Variants in EXTL3 observed in about 807,000 individuals in gnomAD.
The protein encoded by EXTL3 is exostosin like glycosyltransferase 3.
EXTL3 carries 27 observed loss-of-function variants against 69.3 expected under a neutral mutation model. The ratio of observed to expected loss-of-function variants is 0.39; its 90% CI spans 0.29 to 0.54. The LOEUF (loss-of-function observed/expected upper bound fraction) is 0.54. Among genes scored for constraint, EXTL3 ranks in the 20% least tolerant of loss-of-function variants. The pLI is 0.69. For missense variants in EXTL3, 1,003 were observed against 1,231.8 expected (o/e 0.81, Z 2.78); for synonymous variants, 511 against 499.4 (o/e 1.02, Z -0.31).
At chr8:28,671,601 A>G (rs528990134) in intron 1 of EXTL3, among the ~76,000 whole-genome samples, 7 of 152,220 alleles carry the variant, frequency 4.6e-5, no homozygotes, top group African/African-American at 1.7e-4. Flanking sequence ...CGCCTCCCAA[A>G]GTGCTGGGAT....
intron 1 of EXTL3, among the ~76,000 whole-genome samples, chr8:28,663,439 A>G (rs1310950565): frequency 6.6e-6 from 1 of 151,830 alleles, no homozygotes; most frequent in African/African-American, 2.4e-5. Context: ...TTATACCTCC[A>G]TTTGAAGACC....
chr8:28,755,760 A>C (rs1023561297), downstream of EXTL3, among the ~76,000 whole-genome samples: 1 of 152,184 alleles, frequency 6.6e-6, no homozygotes, highest in South Asian at 2.1e-4. Flanking sequence ...AAAATAAAAA[A>C]AAAGTACAGC....
chr8:28,675,274 A>G (rs541498938), intron 1 of EXTL3, among the ~76,000 whole-genome samples: 2 of 152,184 alleles, frequency 1.3e-5, no homozygotes, highest in African/African-American at 4.8e-5. Flanking sequence ...TCCAAAATGT[A>G]TAAATAACTA....
intron 1 of EXTL3, chr8:28,710,210 CT>C: frequency 1.1e-5 from 3 of 267,552 alleles, no homozygotes; most frequent in South Asian, 1.0e-4. Context: ...GTCTGTGTTG[CT>C]GACCACTGGA....
chr8:28,675,416 C>T lies in EXTL3; in HGVS notation c.-52-38041C>T, dbSNP rs149150213. On this transcript the variant is annotated intron_variant, in intron 1 of 6. Coordinates refer to the EXTL3 transcript ENST00000523149. Reference sequence around the variant, plus strand: ...TCTGTGGTCAGTATAGTCCAATTACCGTTAAGCTCCCTCTTTAAGATTCAT... The same window carrying T: ...TCTGTGGTCAGTATAGTCCAATTACTGTTAAGCTCCCTCTTTAAGATTCAT... Among the ~76,000 whole-genome samples the T allele has an allele frequency of 3.4e-3, 515 of 152,284 alleles. 5 individuals carry two copies. The highest frequency in any genetic ancestry group is 0.011 in the African/African-American group (460 of 41,552).
chr8:28,725,869 T>G (rs1233881845), intron 3 of EXTL3, among the ~76,000 whole-genome samples: 1 of 152,122 alleles, frequency 6.6e-6, no homozygotes, highest in East Asian at 1.9e-4. Context: ...ACAGTCCCTC[T>G]GGTTGACTTG....
intron 1 of EXTL3, among the ~76,000 whole-genome samples, chr8:28,660,505 TATACAC>T (rs1807090789): frequency 6.6e-6 from 1 of 152,170 alleles, no homozygotes. Context: ...GACATATATA[TATACAC>T]ATACACACAC....
Position 28,750,855 on chromosome 8 carries a change from A to G in EXTL3, c.2749A>G (p.Lys917Glu). 1 of 1,613,998 alleles carries G rather than the reference A, an allele frequency of 6.2e-7. No homozygotes were observed. The highest frequency in any genetic ancestry group is 8.5e-7 in the Non-Finnish European group (1 of 1,179,956). The change falls in exon 7 of 7, where the codon AAG becomes GAG. Residue 917 changes from lysine (K) to glutamate (E), a missense_variant. This residue lies in a region of EXTL3 where 261 missense variants were observed against 416.4 expected (regional missense o/e 0.63). Coordinates refer to ENST00000220562, the MANE Select transcript of EXTL3 (RefSeq NM_001440.4). This position sits in a 1 kb window ranked among gnomAD's most constrained non-coding sequence, Gnocchi z 5.2. Reference sequence around the variant, plus strand: ...GCCCCATGACAAGACCAAGTGCTTCAAGTTCATCTAGGGGCAGCGCACGGT... The same window carrying G: ...GCCCCATGACAAGACCAAGTGCTTCGAGTTCATCTAGGGGCAGCGCACGGT... ...RLPHDKTKCF[K>E]FI
rs1465779595 is a variant in EXTL3 at position 28,659,652 on chromosome 8, C to T, written c.-53+36842C>T. 2.6e-5 allele frequency among the ~76,000 whole-genome samples: 4 copies of T among 152,314 alleles called. No homozygotes were observed. The East Asian group carries it at 7.7e-4, about 29-fold the overall frequency. On this transcript the variant is annotated intron_variant, in intron 1 of 6. Transcript: ENST00000523149. ...AGATGCAACCCCAGGGTCGCCCCAA[C>T]ATCAGCAAGTCTAATTGCTGCCGGT...
intron 1 of EXTL3, among the ~76,000 whole-genome samples, chr8:28,670,171 T>C (rs1275578412): frequency 2.2e-5 from 3 of 133,646 alleles, no homozygotes; most frequent in African/African-American, 9.2e-5. Flanking sequence ...ATTGCACCAC[T>C]GCACTCCAGC....
chr8:28,708,111 G>T (rs1800959435), intron 1 of EXTL3, among the ~76,000 whole-genome samples: 1 of 152,214 alleles, frequency 6.6e-6, no homozygotes, highest in African/African-American at 2.4e-5. Flanking sequence ...TAAGCCCAAA[G>T]AATAAATTGT....
In EXTL3 at chr8:28,662,627, A is replaced by G. The variant is rs562038986; in HGVS notation, c.-53+39817A>G. Among the ~76,000 whole-genome samples the G allele has an allele frequency of 1.6e-4, 24 of 152,312 alleles. No homozygotes were observed. In the East Asian group the frequency reaches 4.2e-3, roughly 27 times the overall value. ...GCAGAGGAAACCTGTTTGTATAAAA[A>G]GTAGAGCCAGGCTTGGTGGTTCACG... On this transcript the variant is annotated intron_variant, in intron 1 of 6. Coordinates refer to the EXTL3 transcript ENST00000523149.
chr8:28,730,876 A>G (rs1453315566), intron 3 of EXTL3, among the ~76,000 whole-genome samples: 1 of 152,222 alleles, frequency 6.6e-6, no homozygotes, highest in East Asian at 1.9e-4. Flanking sequence ...TTCCATAGCC[A>G]TTGGAATCTC....
Position 28,731,451 on chromosome 8 carries a change from C to T in EXTL3, c.2276+101C>T. 3.1e-6 allele frequency: 4 copies of T among 1,272,064 alleles called. No homozygotes were observed. The South Asian group carries it at 4.9e-5, about 16-fold the overall frequency. 78.8% of individuals were successfully genotyped at this position (1,272,064 alleles called of 1,614,324 possible). A position where few individuals can be genotyped will look rare whatever the true frequency, so the allele number is the denominator to read the frequency against. On this transcript the variant is annotated intron_variant, in intron 4 of 6. Coordinates refer to ENST00000220562, the MANE Select transcript of EXTL3 (RefSeq NM_001440.4). ...TTTGGCTGATGGTAACTGAGAACCC[C>T]TTGCAGATAGTCAGGGCTGATGTAG...
At chr8:28,691,608 T>C (rs1800615156) in intron 1 of EXTL3, among the ~76,000 whole-genome samples, 1 of 144,536 alleles carries the variant, frequency 6.9e-6, no homozygotes, top group Non-Finnish European at 1.5e-5. Context: ...TACTAATATG[T>C]AGATGTTGGC....
chr8:28,705,192 T>C (rs1314281054), intron 1 of EXTL3, among the ~76,000 whole-genome samples: 1 of 152,202 alleles, frequency 6.6e-6, no homozygotes, highest in Non-Finnish European at 1.5e-5. Context: ...TTGTGCTTCC[T>C]GGGAGCAAGG....
At chr8:28,627,158 A>G (rs1257997043) in intron 1 of EXTL3, among the ~76,000 whole-genome samples, 4 of 151,644 alleles carry the variant, frequency 2.6e-5, no homozygotes, top group African/African-American at 4.8e-5. Flanking sequence ...ACTGCACTCC[A>G]GCCTGGGCGA....
chr8:28,627,327 A>C (rs532851604), intron 1 of EXTL3, among the ~76,000 whole-genome samples: 2 of 152,182 alleles, frequency 1.3e-5, no homozygotes, highest in South Asian at 4.2e-4. Flanking sequence ...CGTCTCTACA[A>C]AAATATACAA....
chr8:28,745,656 A>G (rs1329715272), intron 6 of EXTL3, among the ~76,000 whole-genome samples: 2 of 152,230 alleles, frequency 1.3e-5, no homozygotes, highest in African/African-American at 2.4e-5. Flanking sequence ...ACCAGAAGAC[A>G]TGGTCCATGA....
Sources: gnomAD v4.1 joint callset for allele counts (sites outside exome capture counted in the v4.1 genomes callset) on GRCh38, gnomAD v4.1.1 for gene constraint, gnomAD v4.1.1 regional missense constraint, Gnocchi (gnomAD v3.1) non-coding constraint, MANE v1.5 for transcripts, NCBI Gene and HGNC (gene_info 2026-07-23, HGNC 2026-07-21) for gene names.